The following TBC1D5 variants were observed in gnomAD, a reference collection of about 807,000 sequenced individuals.
The protein encoded by TBC1D5 is TBC1 domain family, member 5.
TBC1D5 carries 75 observed loss-of-function variants against 100.3 expected under a neutral mutation model. The observed-to-expected ratio is 0.75, with a 90% CI of 0.62 to 0.91. TBC1D5 has a LOEUF of 0.91. TBC1D5 is among the 40% of genes least tolerant of loss of function. TBC1D5 has a pLI of 0.00. For synonymous variants in TBC1D5, 323 were observed against 325.6 expected, an observed-to-expected ratio of 0.99 and a Z score of 0.09; for missense variants, 910 against 942.4, an observed-to-expected ratio of 0.97 and a Z score of 0.45.
intron 2 of TBC1D5, among the ~76,000 whole-genome samples, chr3:17,556,390 T>TTCA: frequency 6.6e-6 from 1 of 152,300 alleles, no homozygotes; most frequent in East Asian, 1.9e-4. Context: ...TTCCTGTATT[T>TTCA]TCATCATCAT....
At chr3:17,347,467 G>GC (rs1325018240) in intron 13 of TBC1D5, among the ~76,000 whole-genome samples, 1 of 151,806 alleles carries the variant, frequency 6.6e-6, no homozygotes, top group Non-Finnish European at 1.5e-5. Flanking sequence ...ACTAACTATA[G>GC]CAATTTTTCT....
intron 1 of TBC1D5, among the ~76,000 whole-genome samples, chr3:17,733,172 C>G (rs1328238059): frequency 6.6e-6 from 1 of 152,182 alleles, no homozygotes; most frequent in Non-Finnish European, 1.5e-5. Context: ...AGAGTTCATA[C>G]TAGGTGCTTC....
chr3:17,477,654 A>G (rs1353666835), intron 3 of TBC1D5, among the ~76,000 whole-genome samples: 2 of 152,000 alleles, frequency 1.3e-5, no homozygotes, highest in Non-Finnish European at 2.9e-5. Context: ...CATTTTTAAA[A>G]TTTTCATACA....
chr3:17,453,996 G>A (rs115598428), intron 3 of TBC1D5, among the ~76,000 whole-genome samples: 461 of 152,220 alleles, frequency 3.0e-3, no homozygotes, highest in African/African-American at 0.011. Flanking sequence ...CCTACCAATG[G>A]AATGAAGGAT....
intron 2 of TBC1D5, among the ~76,000 whole-genome samples, chr3:17,538,254 T>C (rs151063863): frequency 1.4e-4 from 21 of 152,206 alleles, no homozygotes; most frequent in Non-Finnish European, 2.6e-4. Context: ...CAGGAAAAGA[T>C]AGTCTCCTAA....
intron 3 of TBC1D5, among the ~76,000 whole-genome samples, chr3:17,446,596 A>G (rs950326289): frequency 2.0e-5 from 3 of 152,228 alleles, no homozygotes; most frequent in African/African-American, 7.2e-5. Flanking sequence ...GAGCTACCTG[A>G]ACTAGAAACA....
At chr3:17,634,770 G>C (rs1169121971) in intron 1 of TBC1D5, among the ~76,000 whole-genome samples, 2 of 151,988 alleles carry the variant, frequency 1.3e-5, no homozygotes, top group East Asian at 1.9e-4. Flanking sequence ...TATCTGAGGG[G>C]ATGGATACCC....
chr3:17,485,994 C>T (rs1019846779), intron 3 of TBC1D5, among the ~76,000 whole-genome samples: 4 of 152,124 alleles, frequency 2.6e-5, no homozygotes, highest in Non-Finnish European at 4.4e-5. Context: ...CACATCCTCT[C>T]CAGCACCTGT....
chr3:17,630,812 G>A (rs1291057632), intron 1 of TBC1D5, among the ~76,000 whole-genome samples: 2 of 150,198 alleles, frequency 1.3e-5, no homozygotes, highest in South Asian at 2.1e-4. Context: ...GAGATGGGCC[G>A]ATCACGAGGT....
chr3:17,345,892 G>T (rs1051314659), intron 13 of TBC1D5, among the ~76,000 whole-genome samples: 1 of 152,156 alleles, frequency 6.6e-6, no homozygotes, highest in African/African-American at 2.4e-5. Flanking sequence ...ACACAGGAAG[G>T]GGAACATCAC....
chr3:17,569,274 T>G (rs1014862442), intron 2 of TBC1D5, among the ~76,000 whole-genome samples: 1 of 151,816 alleles, frequency 6.6e-6, no homozygotes, highest in Non-Finnish European at 1.5e-5. Context: ...TTTCTAATAT[T>G]AAATCAGTCG....
At chr3:17,725,029 T>C (rs1401952639) in intron 1 of TBC1D5, among the ~76,000 whole-genome samples, 1 of 152,208 alleles carries the variant, frequency 6.6e-6, no homozygotes, top group African/African-American at 2.4e-5. Context: ...TCCCAGCAGA[T>C]ATTTTTCCAT....
At chr3:17,172,657 T>A (rs2067280226) in intron 19 of TBC1D5, among the ~76,000 whole-genome samples, 1 of 152,196 alleles carries the variant, frequency 6.6e-6, no homozygotes, top group African/African-American at 2.4e-5. Context: ...AAAATCTCAT[T>A]CACCTAACAA....
At chr3:17,457,014 T>G (rs975126897) in intron 3 of TBC1D5, among the ~76,000 whole-genome samples, 2 of 151,990 alleles carry the variant, frequency 1.3e-5, no homozygotes, top group African/African-American at 2.4e-5. Context: ...TGACTTTCAA[T>G]AGCAAAAAAA....
chr3:17,236,385 T>C (rs1027608169), intron 17 of TBC1D5, among the ~76,000 whole-genome samples: 10 of 152,226 alleles, frequency 6.6e-5, no homozygotes, highest in Non-Finnish European at 1.2e-4. Flanking sequence ...GTATATCTCC[T>C]GGCATTAAAA....
intron 16 of TBC1D5, among the ~76,000 whole-genome samples, chr3:17,238,791 G>A (rs2076082441): frequency 6.6e-6 from 1 of 152,046 alleles, no homozygotes; most frequent in South Asian, 2.1e-4. Context: ...TAAAACCTGC[G>A]ACTGGACTAT....
At chr3:17,598,105 TA>T in intron 2 of TBC1D5, among the ~76,000 whole-genome samples, 1 of 152,090 alleles carries the variant, frequency 6.6e-6, no homozygotes, top group Admixed American at 6.5e-5. Context: ...ATTCCTATCT[TA>T]AAGACCAGTC....
At chr3:17,287,608 A>G (rs539535976) in intron 15 of TBC1D5, among the ~76,000 whole-genome samples, 11 of 152,330 alleles carry the variant, frequency 7.2e-5, no homozygotes, top group African/African-American at 1.7e-4. Flanking sequence ...TGCTCTGCCT[A>G]CCTCATAGGG....
chr3:17,314,190 C>T (rs1246782873), intron 13 of TBC1D5, among the ~76,000 whole-genome samples: 2 of 152,172 alleles, frequency 1.3e-5, no homozygotes, highest in Non-Finnish European at 2.9e-5. Flanking sequence ...TCTCTCTCTT[C>T]TCCAGCAGGA....
Sources: gnomAD v4.1 joint callset for allele counts (sites outside exome capture counted in the v4.1 genomes callset) on GRCh38, gnomAD v4.1.1 for gene constraint, MANE v1.5 for transcripts, NCBI Gene and HGNC (gene_info 2026-07-23, HGNC 2026-07-21) for gene names.